CPE: variants seen among roughly 807,000 people sequenced by gnomAD.
The protein encoded by CPE is carboxypeptidase E.
CPE carries 17 observed loss-of-function variants against 53.5 expected under a neutral mutation model. That is an observed-to-expected ratio of 0.32 (90% CI 0.22 to 0.48). The LOEUF (loss-of-function observed/expected upper bound fraction) is 0.48. Ranked by LOEUF, CPE falls within the 20% of genes least tolerant of loss-of-function variation. The pLI is 0.99. For missense variants in CPE, 524 were observed against 614.7 expected (o/e 0.85, Z 1.56); for synonymous variants, 226 against 228.8 (o/e 0.99, Z 0.11).
intron 3 of CPE, among the ~76,000 whole-genome samples, chr4:165,469,488 C>A (rs906768755): frequency 1.5e-4 from 23 of 152,276 alleles, no homozygotes; most frequent in African/African-American, 5.3e-4. Context: ...TGCTCCTAAA[C>A]ATACCATTTT....
intron 1 of CPE, among the ~76,000 whole-genome samples, chr4:165,399,328 C>A (rs1290220405): frequency 5.9e-5 from 9 of 152,142 alleles, no homozygotes. Context: ...ACTGTTGATT[C>A]TAAACAATAA....
chr4:165,396,886 CAA>C (rs34670477), intron 1 of CPE, among the ~76,000 whole-genome samples: 9 of 124,970 alleles, frequency 7.2e-5, no homozygotes, highest in African/African-American at 8.8e-5. Context: ...CCTGTCGCCA[CAA>C]AAAAAAAAAA....
At chr4:165,405,433 A>G (rs1186473564) in intron 1 of CPE, 2 of 873,190 alleles carry the variant, frequency 2.3e-6, no homozygotes, top group African/African-American at 3.3e-5. Flanking sequence ...GCTCAATTCC[A>G]GTCTTTACCA....
At chr4:165,494,137 A>C (rs936447497) in intron 7 of CPE, among the ~76,000 whole-genome samples, 4 of 152,194 alleles carry the variant, frequency 2.6e-5, no homozygotes, top group African/African-American at 9.7e-5. Context: ...TCATGTATCA[A>C]CAGCCCACTA....
At chr4:165,445,685 T>G (rs182776410) in intron 1 of CPE, among the ~76,000 whole-genome samples, 300 of 152,270 alleles carry the variant, frequency 2.0e-3, no homozygotes, top group African/African-American at 7.0e-3. Context: ...TGTAAAATCA[T>G]GAAAATAACA....
chr4:165,482,942 G>A (rs571335026), intron 4 of CPE, among the ~76,000 whole-genome samples: 1 of 151,860 alleles, frequency 6.6e-6, no homozygotes, highest in South Asian at 2.1e-4. Flanking sequence ...TCCTGCTTTG[G>A]ATCTATTTTC....
intron 1 of CPE, among the ~76,000 whole-genome samples, chr4:165,394,329 C>T (rs1273610748): frequency 2.6e-5 from 4 of 152,186 alleles, no homozygotes; most frequent in African/African-American, 7.2e-5. Context: ...CAGATACCTA[C>T]TATACCACAG....
At chr4:165,481,539 T>C (rs1049242405) in intron 3 of CPE, among the ~76,000 whole-genome samples, 1 of 152,210 alleles carries the variant, frequency 6.6e-6, no homozygotes, top group African/African-American at 2.4e-5. Context: ...GTATCAAGCT[T>C]TTGGCTCCAC....
At chr4:165,415,457 A>G (rs922785966) in intron 1 of CPE, among the ~76,000 whole-genome samples, 3 of 152,168 alleles carry the variant, frequency 2.0e-5, no homozygotes, top group Non-Finnish European at 2.9e-5. Context: ...TTTTCTTAGC[A>G]TTATTTCCTT....
rs1279778140 is a variant in CPE at position 165,459,673 on chromosome 4, G to GT, written c.308-4716dup. Among the ~76,000 whole-genome samples, 332 of 123,368 alleles carry GT rather than the reference G, an allele frequency of 2.7e-3. 16 individuals carry two copies. Among genetic ancestry groups the GT allele is most frequent in the African/African-American group, 0.012 (312 of 26,828 alleles). 80.9% of individuals were successfully genotyped at this position (123,368 alleles called of 152,430 possible). A position where few individuals can be genotyped will look rare whatever the true frequency, so the allele number is the denominator to read the frequency against. ...AATCCCAGCACTTTGGGAGGGCTGG[G>GT]TGGGGGGGGGCGGGGCAGATCATGA... On this transcript the variant is annotated intron_variant, in intron 1 of 8. Coordinates refer to ENST00000402744, the MANE Select transcript of CPE (RefSeq NM_001873.4).
intron 4 of CPE, among the ~76,000 whole-genome samples, chr4:165,483,951 A>G (rs994995626): frequency 6.6e-6 from 1 of 152,230 alleles, no homozygotes; most frequent in African/African-American, 2.4e-5. Flanking sequence ...TTTATAATGC[A>G]TGAATAAGAA....
intron 6 of CPE, among the ~76,000 whole-genome samples, chr4:165,492,962 A>T (rs1333667347): frequency 6.6e-6 from 1 of 152,170 alleles, no homozygotes; most frequent in Admixed American, 6.5e-5. Flanking sequence ...AGCAAACAAG[A>T]CATTAATTTT....
intron 6 of CPE, among the ~76,000 whole-genome samples, chr4:165,492,918 T>G (rs1732632235): frequency 6.6e-6 from 1 of 152,172 alleles, no homozygotes; most frequent in Non-Finnish European, 1.5e-5. Context: ...CTTTTTAAAA[T>G]GATTTGGAAG....
chr4:165,413,569 T>C (rs1383533974), intron 1 of CPE, among the ~76,000 whole-genome samples: 1 of 152,220 alleles, frequency 6.6e-6, no homozygotes, highest in East Asian at 1.9e-4. Context: ...CTTTGAGGCT[T>C]TAAGCAAGTT....
In CPE at chr4:165,498,500, AG is replaced by A. The variant is rs1732746917; in HGVS notation, c.*892del. 1.3e-5 allele frequency among the ~76,000 whole-genome samples: 2 copies of A among 152,224 alleles called. No individual in the cohort carries two copies. The highest frequency in any genetic ancestry group is 4.1e-4 in the South Asian group (2 of 4,832). On this transcript the variant is annotated 3_prime_UTR_variant, in exon 9 of 9. Transcript: ENST00000402744. ...TATGTATGTTATTGTGGCAGGCAAA[AG>A]GTTCTGATTTTGGGCACAACCTTTA...
rs113040089 is a variant in CPE, at chr4:165,477,798, G to C, written c.673-4444G>C. On this transcript the variant is annotated intron_variant, in intron 3 of 8. Transcript: ENST00000402744. ...GCCTGGGGTGTGTGTGCTTCAGGAG[G>C]GGGTGGTGGGAAGGAAGTTCATTCT... is the stretch of plus-strand genomic sequence containing the variant. Among the ~76,000 whole-genome samples the C allele has an allele frequency of 8.3e-3, 1,263 of 152,164 alleles. 10 individuals are homozygous for C. The highest frequency in any genetic ancestry group is 0.011 in the Non-Finnish European group (782 of 68,006).
Position 165,379,867 on chromosome 4 carries a change from A to ACG in CPE, c.307+341_307+342dup, listed in dbSNP as rs34646880. ...ATACAGAAAAAACAAATCCTGACGC[A>ACG]CGCAACCCCAGCGGTCGCTCTCACT... On this transcript the variant is annotated intron_variant, in intron 1 of 8. Coordinates refer to ENST00000402744, the MANE Select transcript of CPE (RefSeq NM_001873.4). The surrounding 1 kb of genome is among the most constrained non-coding windows in gnomAD (Gnocchi z 6.0). Among the ~76,000 whole-genome samples, 6,241 of 152,254 alleles carry ACG rather than the reference A, an allele frequency of 0.041. 405 individuals are homozygous for ACG. Among genetic ancestry groups the ACG allele is most frequent in the African/African-American group, 0.14 (5,841 of 41,520 alleles).
intron 1 of CPE, among the ~76,000 whole-genome samples, chr4:165,382,900 T>C (rs1730525639): frequency 6.6e-6 from 1 of 152,220 alleles, no homozygotes; most frequent in Admixed American, 6.5e-5. Context: ...CATTGAGGAA[T>C]AGCCAAACCT....
chr4:165,409,744 A>G (rs577302292), intron 1 of CPE, among the ~76,000 whole-genome samples: 3 of 152,300 alleles, frequency 2.0e-5, no homozygotes, highest in Middle Eastern at 3.4e-3. Flanking sequence ...AGTCTTTATT[A>G]GATTATTTTG....
Sources: allele counts gnomAD v4.1 joint callset (sites outside exome capture counted in the v4.1 genomes callset), GRCh38; gene constraint gnomAD v4.1.1; non-coding constraint Gnocchi (gnomAD v3.1); transcripts MANE v1.5; gene names NCBI Gene and HGNC (gene_info 2026-07-23, HGNC 2026-07-21).